ROBO1: variants seen among roughly 807,000 people sequenced by gnomAD.
ROBO1 encodes the protein roundabout homolog 1.
Under a neutral mutation model 195.9 loss-of-function variants are expected in ROBO1, and 149 were observed. The ratio of observed to expected loss-of-function variants is 0.76; its 90% CI spans 0.67 to 0.87. The LOEUF is 0.87. Among genes scored for constraint, ROBO1 ranks in the 40% least tolerant of loss-of-function variants. ROBO1 has a pLI of 0.00. For missense variants in ROBO1, 1,933 were observed against 2,068.3 expected (o/e 0.93, Z 1.27); for synonymous variants, 816 against 733.2 (o/e 1.11, Z -1.82).
At chr3:79,764,188 T>C (rs1704862148) in intron 1 of ROBO1, among the ~76,000 whole-genome samples, 1 of 152,234 alleles carries the variant, frequency 6.6e-6, no homozygotes, top group Non-Finnish European at 1.5e-5. Flanking sequence ...ACACTGTTTC[T>C]ACAGTTTTAT....
chr3:78,629,079 T>A (rs1482349483), intron 25 of ROBO1, among the ~76,000 whole-genome samples: 1 of 151,866 alleles, frequency 6.6e-6, no homozygotes, highest in Non-Finnish European at 1.5e-5. Context: ...TGGCTTACAT[T>A]TGCTGTCTCA....
chr3:79,582,629 C>G (rs1442799729), intron 2 of ROBO1, among the ~76,000 whole-genome samples: 1 of 151,970 alleles, frequency 6.6e-6, no homozygotes, highest in Non-Finnish European at 1.5e-5. Flanking sequence ...TTGAATCACT[C>G]TTCTAAAATA....
chr3:79,362,069 T>C (rs1360771377), intron 2 of ROBO1, among the ~76,000 whole-genome samples: 1 of 152,014 alleles, frequency 6.6e-6, no homozygotes, highest in Non-Finnish European at 1.5e-5. Flanking sequence ...TTAGGATGTA[T>C]GTTGACTTCG....
chr3:78,731,328 T>A (rs1190629722), intron 5 of ROBO1, among the ~76,000 whole-genome samples: 1 of 152,100 alleles, frequency 6.6e-6, no homozygotes, highest in Admixed American at 6.5e-5. Context: ...ATCTTGTGCA[T>A]CCTAGGTTGC....
At chr3:79,349,939 A>G (rs1033981146) in intron 2 of ROBO1, among the ~76,000 whole-genome samples, 2 of 152,204 alleles carry the variant, frequency 1.3e-5, no homozygotes, top group South Asian at 2.1e-4. Flanking sequence ...AATAGAAAAA[A>G]ACAGATAAAT....
intron 2 of ROBO1, among the ~76,000 whole-genome samples, chr3:79,379,769 G>A (rs1276423900): frequency 1.3e-5 from 2 of 152,070 alleles, no homozygotes; most frequent in East Asian, 1.9e-4. Flanking sequence ...GGCTTTTAAA[G>A]TATTGCCACC....
chr3:78,677,651 C>T (rs950558184), intron 10 of ROBO1, among the ~76,000 whole-genome samples: 9 of 151,830 alleles, frequency 5.9e-5, no homozygotes, highest in African/African-American at 1.9e-4. Context: ...GCACCCAATA[C>T]AGGAGCACCC....
At chr3:78,934,633 G>A (rs1228727256) in intron 4 of ROBO1, among the ~76,000 whole-genome samples, 1 of 151,916 alleles carries the variant, frequency 6.6e-6, no homozygotes, top group Non-Finnish European at 1.5e-5. Flanking sequence ...GAAGGAGTTA[G>A]TTCTAAGCTA....
chr3:78,678,422 A>T (rs992326482), intron 10 of ROBO1, among the ~76,000 whole-genome samples: 8 of 152,228 alleles, frequency 5.3e-5, no homozygotes, highest in African/African-American at 1.9e-4. Flanking sequence ...ATTGATAGAC[A>T]GCTAGCAAGA....
At chr3:79,023,316 T>A (rs1305543058) in intron 3 of ROBO1, among the ~76,000 whole-genome samples, 1 of 152,154 alleles carries the variant, frequency 6.6e-6, no homozygotes, top group Non-Finnish European at 1.5e-5. Context: ...TTTGAATAAT[T>A]GAATGTTTGA....
chr3:79,079,522 G>C (rs1485433989), intron 3 of ROBO1, among the ~76,000 whole-genome samples: 2 of 151,754 alleles, frequency 1.3e-5, no homozygotes, highest in African/African-American at 2.4e-5. Flanking sequence ...AACAAGTACT[G>C]GTTCTGCTTT....
chr3:79,195,062 T>C (rs1282759590), intron 2 of ROBO1, among the ~76,000 whole-genome samples: 2 of 151,570 alleles, frequency 1.3e-5, no homozygotes, highest in African/African-American at 2.4e-5. Flanking sequence ...TATCTACTGA[T>C]AGAGAACACA....
At chr3:79,378,016 G>A (rs75195818) in intron 2 of ROBO1, among the ~76,000 whole-genome samples, 10 of 151,846 alleles carry the variant, frequency 6.6e-5, no homozygotes, top group South Asian at 2.1e-4. Flanking sequence ...TCAACACCCT[G>A]CCAACCTCTG....
chr3:79,526,060 A>T (rs1206005288), intron 2 of ROBO1, among the ~76,000 whole-genome samples: 1 of 152,234 alleles, frequency 6.6e-6, no homozygotes, highest in African/African-American at 2.4e-5. Flanking sequence ...TACATTCATT[A>T]AAATTCAAGT....
chr3:79,010,945 G>A (rs914464149), intron 3 of ROBO1, among the ~76,000 whole-genome samples: 5 of 152,110 alleles, frequency 3.3e-5, no homozygotes, highest in South Asian at 2.1e-4. Context: ...GAAAGTGGTC[G>A]TTCTACCAGA....
chr3:78,714,324 A>G, intron 8 of ROBO1, 73 bp downstream of exon 8: 1 of 1,470,312 alleles, frequency 6.8e-7, no homozygotes, highest in Admixed American at 2.1e-5. Flanking sequence ...CCTATACATA[A>G]TATTTTCTTC....
chr3:78,789,198 C>G (rs1359311126), intron 4 of ROBO1, among the ~76,000 whole-genome samples: 1 of 151,910 alleles, frequency 6.6e-6, no homozygotes, highest in Non-Finnish European at 1.5e-5. Context: ...TTTTGTGCCT[C>G]GGGGGAACAG....
intron 2 of ROBO1, among the ~76,000 whole-genome samples, chr3:79,173,416 G>A (rs1046567011): frequency 2.0e-5 from 3 of 151,824 alleles, no homozygotes; most frequent in Non-Finnish European, 2.9e-5. Flanking sequence ...TGGGCTCGGC[G>A]GGCCCGCACT....
chr3:79,677,403 C>T (rs1946815592), intron 1 of ROBO1, among the ~76,000 whole-genome samples: 1 of 151,912 alleles, frequency 6.6e-6, no homozygotes, highest in African/African-American at 2.4e-5. Flanking sequence ...GCCTCACAAT[C>T]ATGGTGGAAG....
Sources: allele counts gnomAD v4.1 joint callset (sites outside exome capture counted in the v4.1 genomes callset), GRCh38; gene constraint gnomAD v4.1.1; transcripts MANE v1.5; gene names NCBI Gene and HGNC (gene_info 2026-07-23, HGNC 2026-07-21).